The following FBN3 variants were observed in gnomAD, a reference collection of about 807,000 sequenced individuals.
FBN3 encodes fibrillin 3.
FBN3 carries 234 observed loss-of-function variants against 330.1 expected under a neutral mutation model. The ratio of observed to expected loss-of-function variants is 0.71; its 90% CI spans 0.64 to 0.79. The LOEUF is 0.79. Ranked by LOEUF, FBN3 falls within the 30% of genes least tolerant of loss-of-function variation. The probability of loss-of-function intolerance (pLI) is 0.00; values close to 1 mark genes in which losing one functional copy is unlikely to be tolerated. For synonymous variants in FBN3, 1,458 were observed against 1,517.3 expected, an observed-to-expected ratio of 0.96 and a Z score of 0.91; for missense variants, 3,606 against 3,886.9, an observed-to-expected ratio of 0.93 and a Z score of 1.92.
intron 48 of FBN3, 98 bp from the exon 49 acceptor site, chr19:8,090,349 G>A: frequency 2.2e-6 from 3 of 1,392,512 alleles, no homozygotes; most frequent in South Asian, 1.3e-5. Flanking sequence ...AATGGGTTGT[G>A]CTGATCCTGC....
chr19:8,128,725 T>C (rs2083052864), intron 18 of FBN3, among the ~76,000 whole-genome samples: 1 of 152,186 alleles, frequency 6.6e-6, no homozygotes, highest in Non-Finnish European at 1.5e-5. Flanking sequence ...ATACACGGCA[T>C]GTGCAGCGTG....
At chr19:8,099,718 G>A (rs1378070455) in intron 41 of FBN3, among the ~76,000 whole-genome samples, 2 of 152,046 alleles carry the variant, frequency 1.3e-5, no homozygotes, top group East Asian at 1.9e-4. Context: ...TTGTTAAAAA[G>A]GGAGTATTCT....
At chr19:8,093,333 C>A (rs1174736224) in intron 47 of FBN3, among the ~76,000 whole-genome samples, 1 of 151,910 alleles carries the variant, frequency 6.6e-6, no homozygotes, top group African/African-American at 2.4e-5. Flanking sequence ...ACTAAAAATA[C>A]AAAAATTGGG....
chr19:8,129,049 G>A lies in FBN3; in HGVS notation c.2275C>T (p.Gln759Ter). Reference protein sequence around the residue: ...CSCPPGFHFWQDTEICKDVDE... With the variant: ...CSCPPGFHFW ...GTACCTTTGCAGATCTCCGTGTCCT[G>A]CCAGAAGTGGAAGCCGGGGGGGCAG... Residue 759 changes from glutamine to a stop codon, truncating the protein, a stop_gained, in exon 18 of 64, where the codon CAG becomes TAG. Transcript: ENST00000600128. LOFTEE classifies it high-confidence loss of function. This position sits in a 1 kb window ranked among gnomAD's most constrained non-coding sequence, Gnocchi z 4.5. 1 of 1,613,338 alleles carries A rather than the reference G, an allele frequency of 6.2e-7. No individual in the cohort carries two copies. The highest frequency in any genetic ancestry group is 8.5e-7 in the Non-Finnish European group (1 of 1,179,796).
chr19:8,088,964 A>G (rs2082029999), intron 51 of FBN3, among the ~76,000 whole-genome samples: 1 of 152,086 alleles, frequency 6.6e-6, no homozygotes, highest in African/African-American at 2.4e-5. Flanking sequence ...ATGAATGAAC[A>G]AGCGAAGGAA....
intron 30 of FBN3, among the ~76,000 whole-genome samples, chr19:8,112,922 A>T (rs2082623165): frequency 6.6e-6 from 1 of 152,244 alleles, no homozygotes; most frequent in Non-Finnish European, 1.5e-5. Context: ...ATGCTCTGTT[A>T]TGTAACACTT....
At chr19:8,139,415 T>C (rs1016875999) in intron 8 of FBN3, among the ~76,000 whole-genome samples, 12 of 152,134 alleles carry the variant, frequency 7.9e-5, no homozygotes, top group African/African-American at 2.7e-4. Context: ...CCATCTCTTG[T>C]TACCAAGATT....
At chr19:8,141,365 CAA>C (rs56688351) in intron 8 of FBN3, among the ~76,000 whole-genome samples, 4,779 of 78,934 alleles carry the variant, frequency 0.061, 70 homozygotes, top group African/African-American at 0.067. Flanking sequence ...GACTCTGTCT[CAA>C]AAAAAAAAAA....
At chr19:8,105,301 A>G (rs979094470) in intron 38 of FBN3, among the ~76,000 whole-genome samples, 4 of 147,594 alleles carry the variant, frequency 2.7e-5, no homozygotes, top group African/African-American at 1.0e-4. Flanking sequence ...TCTGTCACCC[A>G]GGCTGGAGTA....
intron 13 of FBN3, 26 bp downstream of exon 13, chr19:8,135,935 T>TCCCCCCCCCCCCCCCCCCCCCC: frequency 7.4e-7 from 1 of 1,344,156 alleles, no homozygotes; most frequent in Non-Finnish European, 1.0e-6. Context: ...CGGAAGCCCC[T>TCCCCCCCCCCCCCCCCCCCCCC]GCCCACCCGC....
chr19:8,103,607 A>G lies in FBN3; in HGVS notation c.4894T>C (p.Cys1632Arg), dbSNP rs2082375810. 2 of 1,613,844 alleles carry G rather than the reference A, an allele frequency of 1.2e-6. No homozygotes were observed. Among genetic ancestry groups the G allele is most frequent in the Non-Finnish European group, 8.5e-7 (1 of 1,179,824 alleles). Residue 1632 changes from cysteine (C) to arginine (R), a missense_variant, in exon 39 of 64, where the codon TGC (cysteine) becomes CGC (arginine). Cys to Arg is a radical substitution (Grantham distance 180). Coordinates refer to ENST00000600128, the MANE Select transcript of FBN3 (RefSeq NM_032447.5). The part of the protein sequence containing the change: ...YNTLGNYTCV[C>R]PAEYLQVNGG... ...TTGACTTGGAGGTACTCTGCAGGGCAGACACAGGTGTAGTTCCCCAGGGTG... is the reference window on the plus strand; with the variant it reads ...TTGACTTGGAGGTACTCTGCAGGGCGGACACAGGTGTAGTTCCCCAGGGTG...
At chr19:8,146,284 C>T (rs2083544335) in intron 3 of FBN3, 59 bp from the exon 4 acceptor site, 6 of 1,430,374 alleles carry the variant, frequency 4.2e-6, no homozygotes, top group Non-Finnish European at 5.8e-6. Context: ...CGTCCCTGCT[C>T]CATTGGTGTC....
In FBN3 at chr19:8,142,056, G is replaced by C. The variant is rs1568458802; in HGVS notation, c.623C>G (p.Ala208Gly). Residue 208 changes from alanine (A) to glycine (G), a missense_variant, in exon 7 of 64, where the codon GCA (alanine) becomes GGA (glycine). Transcript: ENST00000600128. ...ACGGCCCACAGTGGCACAGCAAAGT[G>C]CCTTGGTGCACACGAGGCCCGTCAG... ...HQLTGLVCTK[A>G]LCCATVGRAW... 12 of 1,614,120 alleles carry C rather than the reference G, an allele frequency of 7.4e-6. 1 individual carries two copies. The South Asian group carries it at 1.3e-4, about 18-fold the overall frequency.
At chr19:8,105,186 C>T (rs1312216087) in intron 38 of FBN3, among the ~76,000 whole-genome samples, 2 of 151,818 alleles carry the variant, frequency 1.3e-5, no homozygotes, top group African/African-American at 2.4e-5. Flanking sequence ...AACTCCTGAC[C>T]TCGTGATCTG....
rs368996470 is a variant in FBN3, at chr19:8,116,782, C to G, written c.3604G>C (p.Glu1202Gln). The G allele has an allele frequency of 1.9e-6, 3 of 1,613,940 alleles. No homozygotes were observed. The highest frequency in any genetic ancestry group is 2.7e-5 in the African/African-American group (2 of 74,900). Residue 1202 changes from glutamate to glutamine, a missense_variant, in exon 29 of 64, where the codon GAG becomes CAG. Transcript: ENST00000600128. ...CCTTGGTCACAAACGCGGGGGTTCT[C>G]TTCACACTCGTCCACGTCTGGGGGA... is the stretch of plus-strand genomic sequence containing the variant. ...RACADVDECEENPRVCDQGHC... is the reference protein window; with the variant it reads ...RACADVDECEQNPRVCDQGHC...
chr19:8,089,500 C>T (rs1412635285), intron 51 of FBN3, 45 bp downstream of exon 51: 12 of 1,611,054 alleles, frequency 7.4e-6, no homozygotes, highest in Non-Finnish European at 1.0e-5. Context: ...CCTTCCTGTC[C>T]TGGGAGGGGC....
chr19:8,132,400 C>T (rs897377311), intron 14 of FBN3, among the ~76,000 whole-genome samples: 2 of 151,602 alleles, frequency 1.3e-5, no homozygotes, highest in African/African-American at 4.9e-5. Flanking sequence ...AGGCTGGTCT[C>T]GAACTCCTGT....
intron 14 of FBN3, among the ~76,000 whole-genome samples, chr19:8,132,499 T>C (rs2085436320): frequency 6.6e-6 from 1 of 151,816 alleles, no homozygotes; most frequent in Non-Finnish European, 1.5e-5. Flanking sequence ...CATCACTTTT[T>C]TTTTCTTCTG....
intron 54 of FBN3, 85 bp downstream of exon 54, chr19:8,086,992 C>T (rs1047836800): frequency 5.6e-5 from 84 of 1,494,578 alleles, no homozygotes; most frequent in Non-Finnish European, 7.1e-5. Flanking sequence ...AGGTATGAGT[C>T]ACCGTGCCCG....
Sources: allele counts gnomAD v4.1 joint callset (sites outside exome capture counted in the v4.1 genomes callset), GRCh38; gene constraint gnomAD v4.1.1; non-coding constraint Gnocchi (gnomAD v3.1); transcripts MANE v1.5; gene names NCBI Gene and HGNC (gene_info 2026-07-23, HGNC 2026-07-21).